Variants in FNIP1 observed in about 807,000 individuals in gnomAD.
FNIP1 encodes the protein folliculin-interacting protein 1.
A neutral mutation model predicts 124.5 loss-of-function variants in FNIP1; 40 were observed. That is an observed-to-expected ratio of 0.32 (90% confidence interval 0.25 to 0.42). FNIP1 has a LOEUF of 0.42. Ranked by LOEUF, FNIP1 falls within the 10% of genes least tolerant of loss-of-function variation. The pLI, the probability that FNIP1 is intolerant of heterozygous loss-of-function variation, is 1.00. For synonymous variants in FNIP1, 472 were observed against 470.6 expected (o/e 1.00, Z -0.04); for missense variants, 1,176 against 1,403.7 (o/e 0.84, Z 2.59).
At chr5:131,660,541 G>A (rs1396136774) in intron 15 of FNIP1, among the ~76,000 whole-genome samples, 2 of 152,002 alleles carry the variant, frequency 1.3e-5, no homozygotes, top group Non-Finnish European at 1.5e-5. Flanking sequence ...CAAATCAGCC[G>A]TAAGCACCTG....
intron 1 of FNIP1, among the ~76,000 whole-genome samples, chr5:131,761,416 T>C (rs1771227190): frequency 6.6e-6 from 1 of 152,148 alleles, no homozygotes; most frequent in Admixed American, 6.6e-5. Flanking sequence ...GTAAATTCAG[T>C]ACAGTTGCAG....
chr5:131,740,626 G>A (rs573439874), intron 2 of FNIP1, among the ~76,000 whole-genome samples: 15 of 152,230 alleles, frequency 9.9e-5, no homozygotes, highest in African/African-American at 1.9e-4. Flanking sequence ...TGTTCATATC[G>A]AAACCATATC....
At chr5:131,686,103 A>T (rs1300240768) in intron 11 of FNIP1, among the ~76,000 whole-genome samples, 1 of 152,226 alleles carries the variant, frequency 6.6e-6, no homozygotes, top group Non-Finnish European at 1.5e-5. Context: ...ATTTTAGCTT[A>T]TCAGGATATT....
chr5:131,746,165 A>G (rs1384924673), intron 1 of FNIP1, among the ~76,000 whole-genome samples: 1 of 152,180 alleles, frequency 6.6e-6, no homozygotes, highest in Non-Finnish European at 1.5e-5. Flanking sequence ...CAAATGACAA[A>G]TATCTGGTAA....
chr5:131,790,630 G>A (rs1173340885), intron 1 of FNIP1, among the ~76,000 whole-genome samples: 1 of 152,120 alleles, frequency 6.6e-6, no homozygotes, highest in Non-Finnish European at 1.5e-5. Context: ...AAAGGCTCAA[G>A]TAAGCAAAGA....
chr5:131,785,988 CA>C (rs1221441981), intron 1 of FNIP1, among the ~76,000 whole-genome samples: 82 of 152,000 alleles, frequency 5.4e-4, no homozygotes, highest in Middle Eastern at 3.4e-3. Context: ...TAACCGATTC[CA>C]AAACTTATTC....
intron 1 of FNIP1, 24 bp downstream of exon 1, chr5:131,796,806 G>A: frequency 1.5e-5 from 23 of 1,556,220 alleles, no homozygotes; most frequent in Non-Finnish European, 2.0e-5. Context: ...TCGGCTCCGC[G>A]ACCCCCGCCC....
chr5:131,700,836 T>C (rs1331348582), intron 10 of FNIP1, among the ~76,000 whole-genome samples: 1 of 152,208 alleles, frequency 6.6e-6, no homozygotes, highest in Non-Finnish European at 1.5e-5. Flanking sequence ...TATTCTATCA[T>C]TAAGTAACTA....
At chr5:131,732,355 A>C (rs1770123771) in intron 2 of FNIP1, among the ~76,000 whole-genome samples, 1 of 152,236 alleles carries the variant, frequency 6.6e-6, no homozygotes, top group Admixed American at 6.5e-5. Flanking sequence ...TAAAGTAAAA[A>C]GAATAAAAGC....
At chr5:131,670,412 G>C in intron 15 of FNIP1, 51 bp downstream of exon 15, 1 of 1,465,192 alleles carries the variant, frequency 6.8e-7, no homozygotes, top group Non-Finnish European at 9.1e-7. Context: ...GGGTTCTGCT[G>C]CTTAACAGAG....
At chr5:131,680,487 T>C (rs1768045639) in intron 11 of FNIP1, among the ~76,000 whole-genome samples, 1 of 152,252 alleles carries the variant, frequency 6.6e-6, no homozygotes, top group Non-Finnish European at 1.5e-5. Flanking sequence ...ATGAAAATGT[T>C]TGTTTTTAAA....
intron 15 of FNIP1, among the ~76,000 whole-genome samples, chr5:131,654,320 C>T (rs923815901): frequency 6.6e-6 from 1 of 152,064 alleles, no homozygotes; most frequent in Non-Finnish European, 1.5e-5. Flanking sequence ...ATAGCAGCAA[C>T]AAGACTGAGA....
chr5:131,692,322 C>T (rs988161135), intron 11 of FNIP1, among the ~76,000 whole-genome samples: 1 of 151,686 alleles, frequency 6.6e-6, no homozygotes, highest in East Asian at 1.9e-4. Context: ...CCTGACCCCC[C>T]CAAAAAACAT....
rs747230820 is a variant in FNIP1, at chr5:131,679,168, T to C, written c.1210A>G (p.Ile404Val). 12 of 1,572,322 alleles carry C rather than the reference T, an allele frequency of 7.6e-6. No individual in the cohort carries two copies. The Admixed American group carries it at 1.0e-4, about 13-fold the overall frequency. ...VDALNEFRTT[I>V]CNLYTMPRIG... ...CGTGGCATCGTGTAAAGATTACAAA[T>C]TGTTGTTCTAAAAAGAGGAAGACAC... is the stretch of plus-strand genomic sequence containing the variant. The change falls in exon 12 of 18, where the codon ATT becomes GTT. Residue 404 changes from isoleucine to valine, a missense_variant. Physicochemically the swap from Ile to Val is conservative, Grantham distance 29. Coordinates refer to ENST00000510461, the MANE Select transcript of FNIP1 (RefSeq NM_133372.3).
chr5:131,784,437 GT>G (rs1772094358), intron 1 of FNIP1, among the ~76,000 whole-genome samples: 1 of 152,138 alleles, frequency 6.6e-6, no homozygotes, highest in Non-Finnish European at 1.5e-5. Flanking sequence ...AGAAGGGTAT[GT>G]ATGTGTGTGT....
At chr5:131,787,695 G>A (rs1772263074) in intron 1 of FNIP1, among the ~76,000 whole-genome samples, 1 of 152,186 alleles carries the variant, frequency 6.6e-6, no homozygotes, top group Non-Finnish European at 1.5e-5. Context: ...AGAATTAAAT[G>A]AGTTAATAGG....
intron 2 of FNIP1, among the ~76,000 whole-genome samples, chr5:131,737,273 T>G (rs965618389): frequency 6.6e-6 from 1 of 152,172 alleles, no homozygotes; most frequent in South Asian, 2.1e-4. Context: ...AAGTCACGAC[T>G]TCAAGATGGG....
intron 15 of FNIP1, among the ~76,000 whole-genome samples, chr5:131,662,500 C>G (rs1433331361): frequency 6.6e-6 from 1 of 152,138 alleles, no homozygotes; most frequent in Non-Finnish European, 1.5e-5. Context: ...GCTCTAGACT[C>G]CTTCTGGGAA....
intron 13 of FNIP1, among the ~76,000 whole-genome samples, chr5:131,676,883 T>C (rs1357633462): frequency 6.6e-6 from 1 of 152,140 alleles, no homozygotes; most frequent in Non-Finnish European, 1.5e-5. Context: ...TCATATGACA[T>C]ATTGCCATAT....
Sources: gnomAD v4.1 joint callset for allele counts (sites outside exome capture counted in the v4.1 genomes callset) on GRCh38, gnomAD v4.1.1 for gene constraint, MANE v1.5 for transcripts, NCBI Gene and HGNC (gene_info 2026-07-23, HGNC 2026-07-21) for gene names.